Variants in CPA3 observed in about 807,000 individuals in gnomAD.
The protein encoded by CPA3 is mast cell carboxypeptidase A.
A neutral mutation model predicts 55.8 loss-of-function variants in CPA3; 52 were observed. That is an observed-to-expected ratio of 0.93 (90% CI 0.75 to 1.17). The LOEUF (loss-of-function observed/expected upper bound fraction) is 1.17. Among genes scored for constraint, CPA3 ranks in the 50% most tolerant of loss-of-function variants. The pLI is 0.00. For missense variants in CPA3, 547 were observed against 509.1 expected, an observed-to-expected ratio of 1.07 and a Z score of -0.72; for synonymous variants, 179 against 171.2, an observed-to-expected ratio of 1.05 and a Z score of -0.36.
intron 3 of CPA3, among the ~76,000 whole-genome samples, chr3:148,872,571 T>C (rs1714096076): frequency 6.6e-6 from 1 of 152,224 alleles, no homozygotes. Context: ...CTAATATTAA[T>C]GTCTAACTGC....
intron 10 of CPA3, among the ~76,000 whole-genome samples, chr3:148,892,023 T>C (rs934695233): frequency 6.9e-6 from 1 of 144,472 alleles, no homozygotes; most frequent in African/African-American, 2.6e-5. Flanking sequence ...ATAAATTACA[T>C]GCAATATTTG....
At chr3:148,873,374 C>G (rs570174556) in intron 3 of CPA3, among the ~76,000 whole-genome samples, 8 of 119,918 alleles carry the variant, frequency 6.7e-5, no homozygotes, top group Non-Finnish European at 1.2e-4. Flanking sequence ...CGCGCGCACA[C>G]GCGCACACAC....
At chr3:148,869,162 T>C in intron 3 of CPA3, 123 bp downstream of exon 3, 2 of 1,098,992 alleles carry the variant, frequency 1.8e-6, no homozygotes, top group East Asian at 5.2e-5. Flanking sequence ...GCTCTTTCTG[T>C]AAGATACAGA....
intron 3 of CPA3, among the ~76,000 whole-genome samples, chr3:148,877,354 C>T (rs779725296): frequency 2.6e-5 from 4 of 152,026 alleles, no homozygotes; most frequent in Non-Finnish European, 5.9e-5. Flanking sequence ...AATTAGCTGG[C>T]GTAGTGGCAC....
intron 3 of CPA3, among the ~76,000 whole-genome samples, chr3:148,875,569 T>C (rs1374868575): frequency 6.6e-6 from 1 of 152,148 alleles, no homozygotes; most frequent in African/African-American, 2.4e-5. Flanking sequence ...TCTTTTTTTT[T>C]CTTTTTGCTG....
chr3:148,868,984 G>C lies in CPA3; in HGVS notation c.214G>C (p.Glu72Gln), dbSNP rs1351154570. Residue 72 changes from glutamate to glutamine, a missense_variant, in exon 3 of 11, where the codon GAG (glutamate) becomes CAG (glutamine). Physicochemically the swap from Glu to Gln is conservative, Grantham distance 29. Coordinates refer to ENST00000296046, the MANE Select transcript of CPA3 (RefSeq NM_001870.4). ...TATGATGGTGGATTTCCGAGTTAGT[G>C]AGAAGGAATCCCAAGCCATCCAGTC... ...ANMMVDFRVSEKESQAIQSAL... is the reference protein window; with the variant it reads ...ANMMVDFRVSQKESQAIQSAL... 6.2e-7 allele frequency: 1 copy of C among 1,613,946 alleles called. No homozygotes were observed. Among genetic ancestry groups the C allele is most frequent in the African/African-American group, 1.3e-5 (1 of 74,928 alleles).
Position 148,883,689 on chromosome 3 carries a change from T to G in CPA3, c.855T>G (p.Ala285=). The G allele has an allele frequency of 6.2e-7, 1 of 1,614,106 alleles. No homozygotes were observed. The highest frequency in any genetic ancestry group is 8.5e-7 in the Non-Finnish European group (1 of 1,179,982). ...CAGAGTCCGAGAAAGAGACGAAAGC[T>G]GTCACTAATTTCATTAGAAGCCACC... ...SAPESEKETK[A]VTNFIRSHLN... The change falls in exon 9 of 11, where the codon GCT becomes GCG. Residue 285 remains alanine, a synonymous_variant. Transcript: ENST00000296046.
intron 8 of CPA3, 35 bp downstream of exon 8, chr3:148,882,630 A>G (rs768114633): frequency 1.3e-6 from 2 of 1,562,000 alleles, no homozygotes; most frequent in African/African-American, 1.4e-5. Flanking sequence ...GAAAATTGCT[A>G]TAAGGAATAT....
In CPA3 at chr3:148,868,900, A is replaced by C. The variant is rs766091538; in HGVS notation, c.145-15A>C. ...AGCAAATAAACTCTGACTAACATTG[A>C]GCTTATCTCTGCAGCTTGACTTCTG... On this transcript the variant is annotated splice_polypyrimidine_tract_variant and intron_variant, in intron 2 of 10. Coordinates refer to ENST00000296046, the MANE Select transcript of CPA3 (RefSeq NM_001870.4). 1.2e-6 allele frequency: 2 copies of C among 1,612,052 alleles called. No homozygotes were observed. Among genetic ancestry groups the C allele is most frequent in the African/African-American group, 2.7e-5 (2 of 74,888 alleles).
chr3:148,869,100 A>T (rs1713989930), intron 3 of CPA3, 61 bp downstream of exon 3: 1 of 1,585,590 alleles, frequency 6.3e-7, no homozygotes, highest in Non-Finnish European at 8.6e-7. Context: ...GCCTTGAAGT[A>T]GAGGAAAGTA....
chr3:148,890,714 G>A (rs975464407), intron 10 of CPA3, among the ~76,000 whole-genome samples: 6 of 152,030 alleles, frequency 3.9e-5, no homozygotes, highest in African/African-American at 7.2e-5. Context: ...TTTTTAAAAC[G>A]ATACAATTTT....
intron 10 of CPA3, among the ~76,000 whole-genome samples, chr3:148,893,081 T>C (rs1714721651): frequency 6.6e-6 from 1 of 152,212 alleles, no homozygotes; most frequent in African/African-American, 2.4e-5. Context: ...CAATTTATTA[T>C]TTAATGTAAT....
chr3:148,881,099 T>G (rs928949579), intron 6 of CPA3, among the ~76,000 whole-genome samples: 3 of 152,224 alleles, frequency 2.0e-5, no homozygotes, highest in African/African-American at 7.2e-5. Flanking sequence ...TTAATCCTGC[T>G]TATAACTATC....
At chr3:148,894,132 T>C (rs1188642989) in intron 10 of CPA3, among the ~76,000 whole-genome samples, 1 of 152,172 alleles carries the variant, frequency 6.6e-6, no homozygotes, top group Non-Finnish European at 1.5e-5. Context: ...AGACTATCTT[T>C]CTCCACATGA....
At chr3:148,884,304 T>A (rs934049320) in intron 9 of CPA3, among the ~76,000 whole-genome samples, 1 of 152,218 alleles carries the variant, frequency 6.6e-6, no homozygotes, top group Admixed American at 6.5e-5. Context: ...TCACTAAGAA[T>A]ATGTTATCTT....
intron 3 of CPA3, chr3:148,869,957 G>C (rs1431566699): frequency 6.6e-6 from 1 of 152,166 alleles, no homozygotes; most frequent in Non-Finnish European, 1.5e-5. Flanking sequence ...CCTGGGCGTG[G>C]TGGCGTGTGC....
chr3:148,895,574 G>C (rs2108041887), intron 10 of CPA3, among the ~76,000 whole-genome samples: 1 of 152,092 alleles, frequency 6.6e-6, no homozygotes, highest in African/African-American at 2.4e-5. Flanking sequence ...CTGCATTTTT[G>C]TACCCTGCAA....
chr3:148,882,145 T>C (rs1449830224), intron 7 of CPA3, among the ~76,000 whole-genome samples: 1 of 152,168 alleles, frequency 6.6e-6, no homozygotes, highest in East Asian at 1.9e-4. Context: ...ACAGTAAAAA[T>C]TTGACCTGCA....
intron 3 of CPA3, among the ~76,000 whole-genome samples, chr3:148,872,138 T>C (rs1559966514): frequency 6.6e-6 from 1 of 152,228 alleles, no homozygotes; most frequent in Non-Finnish European, 1.5e-5. Flanking sequence ...TATTTTAAAG[T>C]AGCATACTTG....
Sources: gnomAD v4.1 joint callset for allele counts (sites outside exome capture counted in the v4.1 genomes callset) on GRCh38, gnomAD v4.1.1 for gene constraint, MANE v1.5 for transcripts, NCBI Gene and HGNC (gene_info 2026-07-23, HGNC 2026-07-21) for gene names.